The following RASIP1 variants were observed in gnomAD, a reference collection of about 807,000 sequenced individuals.
RASIP1 encodes Ras interacting protein 1, also known as ras-interacting protein 1.
Under a neutral mutation model 85.3 loss-of-function variants are expected in RASIP1, and 20 were observed. The ratio of observed to expected loss-of-function variants is 0.23; its 90% confidence interval spans 0.17 to 0.34. RASIP1 has a LOEUF of 0.34. Among genes scored for constraint, RASIP1 ranks in the 10% least tolerant of loss-of-function variants. RASIP1 has a pLI of 1.00. For synonymous variants in RASIP1, 617 were observed against 647.1 expected (o/e 0.95, Z 0.71); for missense variants, 1,170 against 1,390.9 (o/e 0.84, Z 2.53).
chr19:48,737,910 C>A, intron 3 of RASIP1: 2 of 985,382 alleles, frequency 2.0e-6, no homozygotes, highest in African/African-American at 3.5e-5. Flanking sequence ...TCTCCAATTC[C>A]TTTTTCTTTT....
In RASIP1 at chr19:48,738,247, G is replaced by A. The variant is rs998874934; in HGVS notation, c.823+713C>T. On this transcript the variant is annotated intron_variant, in intron 3 of 11. Coordinates refer to ENST00000222145, the MANE Select transcript of RASIP1 (RefSeq NM_017805.3). This position sits in a 1 kb window ranked among gnomAD's most constrained non-coding sequence, Gnocchi z 4.0. ...GGCGTGAGCCACCACGCCCGGCCAG[G>A]ACTAGTTCTTTAATTCAAAAAGACC... 3.9e-5 allele frequency among the ~76,000 whole-genome samples: 6 copies of A among 152,150 alleles called. No homozygotes were observed. Among genetic ancestry groups the A allele is most frequent in the African/African-American group, 1.4e-4 (6 of 41,440 alleles).
intron 10 of RASIP1, among the ~76,000 whole-genome samples, chr19:48,723,221 A>G (rs147939545): frequency 2.0e-5 from 3 of 152,284 alleles, no homozygotes; most frequent in African/African-American, 7.2e-5. Flanking sequence ...ATAAATGTCT[A>G]TGGGGAACAG....
intron 8 of RASIP1, 180 bp from the exon 9 acceptor site, chr19:48,725,140 A>C: frequency 9.0e-6 from 6 of 663,928 alleles, no homozygotes; most frequent in Non-Finnish European, 1.3e-5. Context: ...AAGGGTATAC[A>C]AGTTTCTCGA....
In RASIP1 at chr19:48,727,096, G is replaced by GGA; in HGVS notation, c.1933_1934insTC (p.Pro645LeufsTer101). 6.2e-7 allele frequency: 1 copy of GGA among 1,614,204 alleles called. No homozygotes were observed. ...GGTGTTGGCCATCCACAGCATGAGT[G>GGA]GCCGCAGCTCCACAGACACAGCTTC... On this transcript the variant is annotated frameshift_variant, in exon 7 of 12. Coordinates refer to ENST00000222145, the MANE Select transcript of RASIP1 (RefSeq NM_017805.3). LOFTEE classifies it high-confidence loss of function.
At position 48,729,508 on chromosome 19, in the gene RASIP1, G is replaced by T. The variant is rs774939039; in HGVS notation, c.1262C>A (p.Ala421Asp). ...GTTGAGGAAGGTGTCCACATAGGGA[G>T]CCGGGGACCCCCCGCGGCCAGACGA... is the stretch of plus-strand genomic sequence containing the variant. ...GNSSGRGGSP[A>D]PYVDTFLNAP... Residue 421 changes from alanine to aspartate, a missense_variant, in exon 5 of 12, where the codon GCT (alanine) becomes GAT (aspartate). Ala to Asp is a moderately radical substitution (Grantham distance 126, BLOSUM62 -2). This residue lies in a region of RASIP1 where 301 missense variants were observed against 294.8 expected (regional missense o/e 1.02). Coordinates refer to ENST00000222145, the MANE Select transcript of RASIP1 (RefSeq NM_017805.3). 21 of 1,595,966 alleles carry T rather than the reference G, an allele frequency of 1.3e-5. No individual in the cohort carries two copies. Among genetic ancestry groups the T allele is most frequent in the Middle Eastern group, 1.6e-4 (1 of 6,072 alleles).
Position 48,739,291 on chromosome 19 carries a change from C to A in RASIP1, c.492G>T (p.Val164=), listed in dbSNP as rs778654162. 9 of 1,459,046 alleles carry A rather than the reference C, an allele frequency of 6.2e-6. No individual in the cohort carries two copies. The South Asian group carries it at 1.2e-4, about 19-fold the overall frequency. 90.4% of individuals were successfully genotyped at this position (1,459,046 alleles called of 1,614,324 possible). Residue 164 remains valine (V), a synonymous_variant, in exon 3 of 12, where the codon GTG becomes GTT. Transcript: ENST00000222145. The surrounding 1 kb of genome is among the most constrained non-coding windows in gnomAD (Gnocchi z 9.2). ...GCGCCGTGGAGCGCGCCGTGGCCAG[C>A]ACGCTCTTGTAGTTGGCGCCCGATG... ...GLASGANYKS[V]LATARSTARE... is the part of the protein sequence containing the mutation.
chr19:48,740,076 C>G lies in RASIP1; in HGVS notation c.137+70G>C. 6.7e-7 allele frequency: 1 copy of G among 1,483,284 alleles called. No individual in the cohort carries two copies. Among genetic ancestry groups the G allele is most frequent in the Non-Finnish European group, 8.9e-7 (1 of 1,119,330 alleles). 91.9% of individuals were successfully genotyped at this position (1,483,284 alleles called of 1,614,324 possible). A position where few individuals can be genotyped will look rare whatever the true frequency, so the allele number is the denominator to read the frequency against. ...GACCGGAGCCAACACTTTGCAGGGA[C>G]TGGGCAGTGAACAGGGACAGATGGG... is the stretch of plus-strand genomic sequence containing the variant. On this transcript the variant is annotated intron_variant, in intron 2 of 11. Transcript: ENST00000222145. This position sits in a 1 kb window ranked among gnomAD's most constrained non-coding sequence, Gnocchi z 5.5.
chr19:48,737,884 T>A (rs1053615652), intron 3 of RASIP1: 13 of 982,784 alleles, frequency 1.3e-5, no homozygotes, highest in Non-Finnish European at 1.4e-5. Flanking sequence ...CCGTGCTTAC[T>A]CTTCCGGCTC....
intron 8 of RASIP1, among the ~76,000 whole-genome samples, chr19:48,725,969 C>T (rs1387779097): frequency 2.6e-5 from 4 of 152,056 alleles, no homozygotes; most frequent in Admixed American, 6.6e-5. Context: ...CTGTCTCTGT[C>T]GCCCTGGAGT....
rs1353043010 is a variant in RASIP1 at position 48,738,724 on chromosome 19, TCCTGCTCAATCAACAAG to T, written c.823+219_823+235del. The T allele has an allele frequency of 1.2e-4, 49 of 398,786 alleles. No homozygotes were observed. Among genetic ancestry groups the T allele is most frequent in the Admixed American group, 2.5e-4 (5 of 20,038 alleles). The allele number at this position is 398,786 out of a possible 1,614,324, so 24.7% of individuals were successfully genotyped here. A position where few individuals can be genotyped will look rare whatever the true frequency, so the allele number is the denominator to read the frequency against. ...GCCCCAAGCTTGGCCCCTGTAAAAC[TCCTGCTCAATCAACAAG>T]CCCCACCCAACTCTCAGGCCCGCCC... On this transcript the variant is annotated intron_variant, in intron 3 of 11. Coordinates refer to ENST00000222145, the MANE Select transcript of RASIP1 (RefSeq NM_017805.3). This position sits in a 1 kb window ranked among gnomAD's most constrained non-coding sequence, Gnocchi z 4.0.
In RASIP1 at chr19:48,720,640, C is replaced by T. The variant is rs377215824; in HGVS notation, c.*158G>A. ...CTGGCATTCACATCCTAAGCCCATGCTCCCACCGTCCCATCCGCTACTTCC... is the reference window on the plus strand; with the variant it reads ...CTGGCATTCACATCCTAAGCCCATGTTCCCACCGTCCCATCCGCTACTTCC... On this transcript the variant is annotated 3_prime_UTR_variant, in exon 12 of 12. Transcript: ENST00000222145. 3.6e-4 allele frequency: 275 copies of T among 772,550 alleles called. 3 individuals are homozygous for T. The South Asian group carries it at 4.2e-3, about 12-fold the overall frequency. 47.9% of individuals were successfully genotyped at this position (772,550 alleles called of 1,614,324 possible). A position where few individuals can be genotyped will look rare whatever the true frequency, so the allele number is the denominator to read the frequency against.
rs949000537 is a variant in RASIP1 at position 48,738,827 on chromosome 19, C to G, written c.823+133G>C. On this transcript the variant is annotated intron_variant, in intron 3 of 11. Transcript: ENST00000222145. This position sits in a 1 kb window ranked among gnomAD's most constrained non-coding sequence, Gnocchi z 4.0. ...AGAGTCCAACACGCACCGTCCAGTCCCCTCCCAGTCCCCTCCCGCGGGCCC... is the reference window on the plus strand; with the variant it reads ...AGAGTCCAACACGCACCGTCCAGTCGCCTCCCAGTCCCCTCCCGCGGGCCC... 9.3e-5 allele frequency: 100 copies of G among 1,071,024 alleles called. No individual in the cohort carries two copies. The highest frequency in any genetic ancestry group is 1.1e-4 in the Non-Finnish European group (92 of 856,828). The allele number at this position is 1,071,024 out of a possible 1,614,324, so 66.3% of individuals were successfully genotyped here. A position where few individuals can be genotyped will look rare whatever the true frequency, so the allele number is the denominator to read the frequency against.
chr19:48,738,881 AGCCCCGCCCAG>A lies in RASIP1; in HGVS notation c.823+68_823+78del, dbSNP rs2122488076. On this transcript the variant is annotated intron_variant, in intron 3 of 11. Coordinates refer to ENST00000222145, the MANE Select transcript of RASIP1 (RefSeq NM_017805.3). The surrounding 1 kb of genome is among the most constrained non-coding windows in gnomAD (Gnocchi z 4.0). The stretch of plus-strand genomic sequence containing the variant: ...CCCCAGCCAGCCCGCGAGTCCCACA[AGCCCCGCCCAG>A]GCCCCGCCCCACGGACCCCGCCTCT... 5 of 1,106,254 alleles carry A rather than the reference AGCCCCGCCCAG, an allele frequency of 4.5e-6. No homozygotes were observed. Among genetic ancestry groups the A allele is most frequent in the South Asian group, 4.5e-5 (1 of 22,078 alleles). 68.5% of individuals were successfully genotyped at this position (1,106,254 alleles called of 1,614,324 possible). A position where few individuals can be genotyped will look rare whatever the true frequency, so the allele number is the denominator to read the frequency against.
chr19:48,734,375 G>A (rs1216300884), intron 4 of RASIP1, among the ~76,000 whole-genome samples: 1 of 151,664 alleles, frequency 6.6e-6, no homozygotes, highest in Non-Finnish European at 1.5e-5. Context: ...GTACAGTGGT[G>A]CCATCATAGC....
chr19:48,722,124 T>G, intron 10 of RASIP1, 123 bp from the exon 11 acceptor site: 9 of 956,718 alleles, frequency 9.4e-6, no homozygotes, highest in Non-Finnish European at 1.1e-5. Flanking sequence ...CAGTGTCTTC[T>G]GGGCACTGTG....
At chr19:48,737,217 C>G (rs975366607) in intron 3 of RASIP1, among the ~76,000 whole-genome samples, 3 of 152,158 alleles carry the variant, frequency 2.0e-5, no homozygotes, top group Non-Finnish European at 4.4e-5. Context: ...AATATATTAT[C>G]CCATTGAATC....
intron 10 of RASIP1, among the ~76,000 whole-genome samples, chr19:48,722,300 ATTTTTTTTTTTTT>A (rs71179038): frequency 3.1e-5 from 3 of 98,334 alleles, no homozygotes; most frequent in Non-Finnish European, 5.9e-5. Context: ...GTACTTGGGG[ATTTTTTTTTTTTT>A]TTTTTTTTTT....
At chr19:48,726,378 C>T (rs961598134) in intron 8 of RASIP1, among the ~76,000 whole-genome samples, 1 of 152,090 alleles carries the variant, frequency 6.6e-6, no homozygotes, top group Non-Finnish European at 1.5e-5. Context: ...AGGCGCAGGC[C>T]ACCATGCCTG....
Position 48,729,133 on chromosome 19 carries a change from C to T in RASIP1, c.1637G>A (p.Arg546His). ...AYLDGREPVL[R>H]FRPREEEALL... is the part of the protein sequence containing the mutation. ...CGCCTCCTCCTCGCGCGGCCGGAAGCGCAGGACTGGCTCACGGCCGTCCAG... is the reference window on the plus strand; with the variant it reads ...CGCCTCCTCCTCGCGCGGCCGGAAGTGCAGGACTGGCTCACGGCCGTCCAG... Residue 546 changes from arginine (R) to histidine (H), a missense_variant, in exon 5 of 12, where the codon CGC becomes CAC. By Grantham distance (29) the Arg-to-His change is conservative. This residue lies in a region of RASIP1 where 426 missense variants were observed against 576.2 expected (regional missense o/e 0.74). Transcript: ENST00000222145. 3 of 1,359,590 alleles carry T rather than the reference C, an allele frequency of 2.2e-6. No individual in the cohort carries two copies. The highest frequency in any genetic ancestry group is 2.8e-6 in the Non-Finnish European group (3 of 1,058,594). The allele number at this position is 1,359,590 out of a possible 1,614,324, so 84.2% of individuals were successfully genotyped here.
Sources: allele counts gnomAD v4.1 joint callset (sites outside exome capture counted in the v4.1 genomes callset), GRCh38; gene constraint gnomAD v4.1.1; regional missense constraint gnomAD v4.1.1; non-coding constraint Gnocchi (gnomAD v3.1); transcripts MANE v1.5; gene names NCBI Gene and HGNC (gene_info 2026-07-23, HGNC 2026-07-21).